USP48: variants seen among roughly 807,000 people sequenced by gnomAD.
USP48 encodes the protein ubiquitin specific peptidase 48, also known as ubiquitin carboxyl-terminal hydrolase 48.
A neutral mutation model predicts 150.7 loss-of-function variants in USP48; 43 were observed. The observed-to-expected ratio is 0.29, with a 90% CI of 0.22 to 0.37. The LOEUF is 0.37. Ranked by LOEUF, USP48 falls within the 10% of genes least tolerant of loss-of-function variation. The pLI, the probability that USP48 is intolerant of heterozygous loss-of-function variation, is 1.00. For synonymous variants in USP48, 396 were observed against 425.9 expected, an observed-to-expected ratio of 0.93 and a Z score of 0.86; for missense variants, 813 against 1,249.6, an observed-to-expected ratio of 0.65 and a Z score of 5.27.
At chr1:21,751,714 C>T (rs2097814601) in intron 5 of USP48, 99 bp from the exon 6 acceptor site, 1 of 894,578 alleles carries the variant, frequency 1.1e-6, no homozygotes. Context: ...GCATTTATAA[C>T]TTTCATTAGT....
chr1:21,722,828 C>A (rs1028830746), intron 12 of USP48, among the ~76,000 whole-genome samples: 1 of 152,060 alleles, frequency 6.6e-6, no homozygotes. Context: ...GAGTGAGACA[C>A]TGTCTCAAAA....
chr1:21,749,595 A>AT (rs989791074), intron 6 of USP48, among the ~76,000 whole-genome samples: 6 of 151,170 alleles, frequency 4.0e-5, no homozygotes, highest in Admixed American at 1.3e-4. Context: ...TTAAAAAAAA[A>AT]TTTTTTTTTC....
At chr1:21,776,159 T>C (rs964209779) in intron 1 of USP48, among the ~76,000 whole-genome samples, 1 of 152,128 alleles carries the variant, frequency 6.6e-6, no homozygotes, top group Non-Finnish European at 1.5e-5. Context: ...GGAACTTACT[T>C]GACCACCAAC....
chr1:21,700,838 C>T (rs187894427), intron 22 of USP48, among the ~76,000 whole-genome samples: 1,900 of 152,184 alleles, frequency 0.012, 16 homozygotes, highest in Non-Finnish European at 0.017. Flanking sequence ...CTTTGGAAGG[C>T]CAAGGCGGGA....
intron 15 of USP48, among the ~76,000 whole-genome samples, chr1:21,709,491 T>C (rs2097684361): frequency 6.6e-6 from 1 of 151,982 alleles, no homozygotes; most frequent in Non-Finnish European, 1.5e-5. Context: ...AAATACAACG[T>C]AACCATAAAA....
chr1:21,726,620 C>T (rs2097737817), intron 11 of USP48: 2 of 152,206 alleles, frequency 1.3e-5, no homozygotes, highest in African/African-American at 4.8e-5. Context: ...GTTGCACTGA[C>T]TCTGCCAAGA....
rs776474052 is a variant in USP48 at position 21,715,356 on chromosome 1, A to G, written c.1963+33T>C. ...GAAGCTAAAAGTAAAAAAAAGGACA[A>G]TAAAACAGAATTCATTTATGCTTCT... On this transcript the variant is annotated intron_variant, in intron 15 of 26. Transcript: ENST00000308271. 2.6e-6 allele frequency: 4 copies of G among 1,532,850 alleles called. No individual in the cohort carries two copies. The South Asian group carries it at 4.6e-5, about 18-fold the overall frequency. 95.0% of individuals were successfully genotyped at this position (1,532,850 alleles called of 1,614,324 possible).
At chr1:21,714,312 G>T (rs748183010) in intron 15 of USP48, among the ~76,000 whole-genome samples, 1 of 152,198 alleles carries the variant, frequency 6.6e-6, no homozygotes, top group Non-Finnish European at 1.5e-5. Flanking sequence ...GTATCGCACG[G>T]TCGTCCAGGC....
chr1:21,757,559 G>C, intron 2 of USP48, 104 bp downstream of exon 2: 1 of 1,306,056 alleles, frequency 7.7e-7, no homozygotes, highest in Non-Finnish European at 1.0e-6. Context: ...AAGCTGCACA[G>C]GTTACCTGAA....
intron 15 of USP48, among the ~76,000 whole-genome samples, chr1:21,713,148 G>T (rs1019284541): frequency 6.6e-6 from 1 of 151,628 alleles, no homozygotes; most frequent in African/African-American, 2.4e-5. Context: ...GGTCGCCCAG[G>T]CTGGAGTACA....
chr1:21,714,619 A>G (rs1181718394), intron 15 of USP48, among the ~76,000 whole-genome samples: 2 of 152,200 alleles, frequency 1.3e-5, no homozygotes, highest in Non-Finnish European at 2.9e-5. Context: ...TTTGAGAAAC[A>G]GACACCTGCT....
chr1:21,749,888 C>T (rs1288968706), intron 6 of USP48, among the ~76,000 whole-genome samples: 2 of 152,156 alleles, frequency 1.3e-5, no homozygotes, highest in East Asian at 1.9e-4. Flanking sequence ...TAGACATGAG[C>T]CACCACATCT....
At chr1:21,741,751 G>C (rs1571932093) in intron 8 of USP48, among the ~76,000 whole-genome samples, 1 of 152,130 alleles carries the variant, frequency 6.6e-6, no homozygotes, top group Non-Finnish European at 1.5e-5. Context: ...CGAGGCAAGA[G>C]GACTGCTTAA....
At chr1:21,680,286 C>T (rs745667485) in intron 26 of USP48, among the ~76,000 whole-genome samples, 3 of 152,192 alleles carry the variant, frequency 2.0e-5, no homozygotes, top group Admixed American at 6.5e-5. Flanking sequence ...TGAATATTAT[C>T]GGTGTGCACA....
intron 8 of USP48, among the ~76,000 whole-genome samples, chr1:21,738,693 T>C (rs559379704): frequency 6.6e-6 from 1 of 152,200 alleles, no homozygotes; most frequent in East Asian, 1.9e-4. Flanking sequence ...CTCATTGTCT[T>C]GCCCAGGCTA....
chr1:21,699,111 C>T (rs12023359), intron 22 of USP48, among the ~76,000 whole-genome samples: 49 of 150,130 alleles, frequency 3.3e-4, no homozygotes, highest in South Asian at 2.1e-4. Flanking sequence ...CTCACTGCAA[C>T]CTCCACCTCC....
At chr1:21,725,608 C>G (rs1362804600) in intron 11 of USP48, among the ~76,000 whole-genome samples, 1 of 151,798 alleles carries the variant, frequency 6.6e-6, no homozygotes, top group African/African-American at 2.4e-5. Flanking sequence ...AAAAAATTAG[C>G]TGGGCATGGC....
At chr1:21,756,467 GA>G in intron 3 of USP48, 78 bp downstream of exon 3, 1 of 1,415,640 alleles carries the variant, frequency 7.1e-7, no homozygotes, top group South Asian at 1.3e-5. Flanking sequence ...GGAAACAGAG[GA>G]AGACTCAAAA....
rs1488065987 is a variant in USP48 at position 21,736,491 on chromosome 1, T to C, written c.1126A>G (p.Lys376Glu). The change falls in exon 9 of 27, where the codon AAG becomes GAG. Residue 376 changes from lysine to glutamate, a missense_variant. Coordinates refer to ENST00000308271, the MANE Select transcript of USP48 (RefSeq NM_032236.8). Reference sequence around the variant, plus strand: ...AGTTGTAATTTCTTCCCCTCCATCTTTTCTATGTCTTCATCATTAAACTTA... The same window carrying C: ...AGTTGTAATTTCTTCCCCTCCATCTCTTCTATGTCTTCATCATTAAACTTA... ...WYKFNDEDIE[K>E]MEGKKLQLGI... 2 of 1,611,780 alleles carry C rather than the reference T, an allele frequency of 1.2e-6. No homozygotes were observed.
Sources: gnomAD v4.1 joint callset for allele counts (sites outside exome capture counted in the v4.1 genomes callset) on GRCh38, gnomAD v4.1.1 for gene constraint, MANE v1.5 for transcripts, NCBI Gene and HGNC (gene_info 2026-07-23, HGNC 2026-07-21) for gene names.